NT5DC3: variants seen among roughly 807,000 people sequenced by gnomAD.
NT5DC3 encodes the protein 5'-nucleotidase domain-containing protein 3.
In NT5DC3, 42 loss-of-function variants were observed where a neutral mutation model predicts 67.8. The ratio of observed to expected loss-of-function variants is 0.62; its 90% CI spans 0.48 to 0.80. The LOEUF is 0.80. NT5DC3 is among the 30% of genes least tolerant of loss of function. NT5DC3 has a pLI of 0.00. For synonymous variants in NT5DC3, 237 were observed against 255.6 expected (o/e 0.93, Z 0.69); for missense variants, 570 against 696.4 (o/e 0.82, Z 2.04).
chr12:103,806,362 T>C lies in NT5DC3; in HGVS notation c.484A>G (p.Ile162Val). 1.2e-6 allele frequency: 2 copies of C among 1,602,670 alleles called. No homozygotes were observed. The highest frequency in any genetic ancestry group is 1.7e-6 in the Non-Finnish European group (2 of 1,169,672). ...AGCTGGATATAATGAAAAGCATCGA[T>C]CTTCATTAATACTGCCTTTAAAAAC... ...YDVQRAVLMKIDAFHYIQLGT... is the reference protein window; with the variant it reads ...YDVQRAVLMKVDAFHYIQLGT... The change falls in exon 4 of 14, where the codon ATC becomes GTC. Residue 162 changes from isoleucine to valine, a missense_variant. Ile to Val is a conservative substitution (Grantham distance 29). This residue lies in a region of NT5DC3 where 466 missense variants were observed against 608.0 expected (regional missense o/e 0.77). Transcript: ENST00000392876.
chr12:103,840,766 C>T (rs1054156753), intron 1 of NT5DC3, among the ~76,000 whole-genome samples, 183 bp downstream of exon 1: 1 of 152,134 alleles, frequency 6.6e-6, no homozygotes, highest in Non-Finnish European at 1.5e-5. Flanking sequence ...CATTTTTCCC[C>T]GTTTCCCCGA....
the NT5DC3 span, chr12:103,753,158 T>A: frequency 1.9e-6 from 3 of 1,596,884 alleles, no homozygotes; most frequent in South Asian, 3.4e-5. Flanking sequence ...TCAGAGTCCA[T>A]TGTTGGAAAC....
intron 6 of NT5DC3, among the ~76,000 whole-genome samples, chr12:103,794,951 T>C (rs1378721413): frequency 6.6e-6 from 1 of 152,188 alleles, no homozygotes; most frequent in African/African-American, 2.4e-5. Flanking sequence ...CGTGGTGACA[T>C]TCCTAGAGGC....
intron 7 of NT5DC3, 89 bp downstream of exon 7, chr12:103,793,848 A>G: frequency 9.4e-7 from 1 of 1,062,958 alleles, no homozygotes; most frequent in South Asian, 1.3e-5. Flanking sequence ...GCCTCTGCTT[A>G]GCACCTGGAA....
In NT5DC3 at chr12:103,804,860, T is replaced by C. The variant is rs1163720700; in HGVS notation, c.524+1462A>G. On this transcript the variant is annotated intron_variant, in intron 4 of 13. Coordinates refer to ENST00000392876, the MANE Select transcript of NT5DC3 (RefSeq NM_001031701.3). ...TGAAATCAGGAGTTCAAGACCAGCC[T>C]GGCCAACATGGTGAAACCCTGTCTC... 2.0e-5 allele frequency among the ~76,000 whole-genome samples: 3 copies of C among 152,176 alleles called. No homozygotes were observed. In the East Asian group the frequency reaches 5.8e-4, roughly 29 times the overall value.
chr12:103,826,510 C>A (rs1013821599), intron 1 of NT5DC3, among the ~76,000 whole-genome samples: 4 of 152,202 alleles, frequency 2.6e-5, no homozygotes, highest in Admixed American at 6.5e-5. Context: ...CAAGGGGCTA[C>A]AAACAATGTG....
At chr12:103,827,753 CTT>C (rs964365980) in intron 1 of NT5DC3, among the ~76,000 whole-genome samples, 1 of 152,202 alleles carries the variant, frequency 6.6e-6, no homozygotes, top group African/African-American at 2.4e-5. Context: ...GCTAGCCTCT[CTT>C]TCTCTCTGCA....
At chr12:103,757,936 C>T in the NT5DC3 span, 51 of 563,808 alleles carry the variant, frequency 9.0e-5, no homozygotes, top group Non-Finnish European at 1.2e-4. Flanking sequence ...CAAGCAGCCA[C>T]GTGGAGGATG....
intron 1 of NT5DC3, among the ~76,000 whole-genome samples, chr12:103,836,790 G>A (rs1356782312): frequency 6.6e-6 from 1 of 152,104 alleles, no homozygotes; most frequent in Non-Finnish European, 1.5e-5. Flanking sequence ...TCGCTCCTGT[G>A]GCTTTGCAGG....
At chr12:103,760,252 T>G in the NT5DC3 span, among the ~76,000 whole-genome samples, 1 of 152,196 alleles carries the variant, frequency 6.6e-6, no homozygotes, top group South Asian at 2.1e-4. Context: ...CACAATGGTG[T>G]GTGGGGGGTG....
At chr12:103,758,612 CTGTT>C in the NT5DC3 span, among the ~76,000 whole-genome samples, 4 of 152,178 alleles carry the variant, frequency 2.6e-5, no homozygotes, top group Non-Finnish European at 5.9e-5. Flanking sequence ...TCTCAAGCCT[CTGTT>C]TGGTCACATT....
chr12:103,819,228 A>G (rs1490399411), intron 1 of NT5DC3, among the ~76,000 whole-genome samples: 1 of 152,250 alleles, frequency 6.6e-6, no homozygotes, highest in Non-Finnish European at 1.5e-5. Flanking sequence ...ATCCTCGAAC[A>G]CGAGGAGCAG....
downstream of NT5DC3, among the ~76,000 whole-genome samples, chr12:103,770,005 C>T (rs2139280903): frequency 6.6e-6 from 1 of 152,326 alleles, no homozygotes; most frequent in African/African-American, 2.4e-5. Flanking sequence ...GAGGGGCCTG[C>T]ATGGATGTGC....
intron 1 of NT5DC3, among the ~76,000 whole-genome samples, chr12:103,828,696 C>CTT (rs376961953): frequency 0.095 from 12,979 of 136,052 alleles, 1,056 homozygotes; most frequent in East Asian, 0.27. Context: ...TTTTTTCTTT[C>CTT]TTTTTATTTT....
intron 6 of NT5DC3, 61 bp from the exon 7 acceptor site, chr12:103,794,058 C>A (rs1886190600): frequency 2.3e-6 from 3 of 1,285,920 alleles, no homozygotes; most frequent in South Asian, 2.4e-5. Flanking sequence ...AGTAACAGTA[C>A]AAGTGAAATG....
chr12:103,788,267 C>A (rs150146899), intron 10 of NT5DC3, among the ~76,000 whole-genome samples: 6 of 152,194 alleles, frequency 3.9e-5, no homozygotes, highest in African/African-American at 1.2e-4. Flanking sequence ...ATGGCAAGAC[C>A]CTGTCTCTAC....
In NT5DC3 at chr12:103,777,742, C is replaced by T. The variant is rs1885389217; in HGVS notation, c.*87G>A. 7.0e-7 allele frequency: 1 copy of T among 1,419,538 alleles called. No individual in the cohort carries two copies. The highest frequency in any genetic ancestry group is 9.6e-7 in the Non-Finnish European group (1 of 1,044,976). 87.9% of individuals were successfully genotyped at this position (1,419,538 alleles called of 1,614,324 possible). A position where few individuals can be genotyped will look rare whatever the true frequency, so the allele number is the denominator to read the frequency against. On this transcript the variant is annotated 3_prime_UTR_variant, in exon 14 of 14. Coordinates refer to ENST00000392876, the MANE Select transcript of NT5DC3 (RefSeq NM_001031701.3). The stretch of plus-strand genomic sequence containing the variant: ...TCAAAAGGCTTATCTGTATCTTTTC[C>T]AAAAGCAACACTCAGACCCACATGA...
intron 1 of NT5DC3, among the ~76,000 whole-genome samples, chr12:103,816,949 G>C (rs10778287): frequency 3.4e-5 from 5 of 148,540 alleles, no homozygotes; most frequent in African/African-American, 1.2e-4. Flanking sequence ...ATAACATCTT[G>C]GCAGTCTTTT....
chr12:103,784,469 C>G (rs1885682455), intron 12 of NT5DC3, among the ~76,000 whole-genome samples: 1 of 152,220 alleles, frequency 6.6e-6, no homozygotes, highest in South Asian at 2.1e-4. Flanking sequence ...AGAGTGCCAG[C>G]TGGGGCAGGC....
Sources: allele counts gnomAD v4.1 joint callset (sites outside exome capture counted in the v4.1 genomes callset), GRCh38; gene constraint gnomAD v4.1.1; regional missense constraint gnomAD v4.1.1; transcripts MANE v1.5; gene names NCBI Gene and HGNC (gene_info 2026-07-23, HGNC 2026-07-21).